TKTL1: variants seen among roughly 807,000 people sequenced by gnomAD.
TKTL1 encodes the protein transketolase like 1, also known as transketolase-like protein 1.
TKTL1 carries 1 observed loss-of-function variant against 39.3 expected under a neutral mutation model. That is an observed-to-expected ratio of 0.03 (90% CI 0.01 to 0.12). TKTL1 has a LOEUF of 0.12. Ranked by LOEUF, TKTL1 falls within the 10% of genes least tolerant of loss-of-function variation. The probability of loss-of-function intolerance (pLI) is 1.00; values close to 1 mark genes in which losing one functional copy is unlikely to be tolerated. For missense variants in TKTL1, 575 were observed against 509.6 expected (o/e 1.13, Z -1.24); for synonymous variants, 262 against 193.8 (o/e 1.35, Z -2.92).
At chrX:154,314,614 C>A (rs2067383146) in intron 6 of TKTL1, among the ~76,000 whole-genome samples, 1 of 110,835 alleles carries the variant, frequency 9.0e-6, no homozygotes, top group South Asian at 3.8e-4. Flanking sequence ...CAACCTCTGC[C>A]CCCGGATTCA....
chrX:154,328,116 A>G lies in TKTL1; in HGVS notation c.1618+158A>G, dbSNP rs145693222. Among the ~76,000 whole-genome samples the G allele has an allele frequency of 7.4e-3, 826 of 111,197 alleles. 7 individuals carry two copies. The highest frequency in any genetic ancestry group is 0.027 in the African/African-American group (800 of 29,944). On this transcript the variant is annotated intron_variant, in intron 12 of 12. Transcript: ENST00000369915. ...TAAGCGTGGGGCCATACTCATACAC[A>G]TCTGTGTGTCCCCAACAGAGTGCAC...
At chrX:154,303,702 A>G (rs2067293536) in intron 1 of TKTL1, among the ~76,000 whole-genome samples, 1 of 107,444 alleles carries the variant, frequency 9.3e-6, no homozygotes, top group Admixed American at 1.0e-4. Context: ...GTCCCCCATA[A>G]TGAAGCAGGA....
intron 12 of TKTL1, among the ~76,000 whole-genome samples, chrX:154,328,734 A>G (rs1266852899): frequency 9.0e-6 from 1 of 110,619 alleles, no homozygotes; most frequent in African/African-American, 3.3e-5. Flanking sequence ...TTGAGTGTTC[A>G]TGCGGCAGGG....
intron 12 of TKTL1, among the ~76,000 whole-genome samples, chrX:154,328,847 A>AG (rs199932572): frequency 1.8e-5 from 2 of 111,429 alleles, no homozygotes; most frequent in African/African-American, 3.3e-5. Flanking sequence ...GAAAGGGTGC[A>AG]GGGGGGGATC....
intron 8 of TKTL1, among the ~76,000 whole-genome samples, chrX:154,321,783 C>T (rs1363886286): frequency 9.3e-6 from 1 of 106,994 alleles, no homozygotes; most frequent in African/African-American, 3.4e-5. Context: ...CAGGGACTCC[C>T]TGGGAGAATG....
At chrX:154,307,178 G>A (rs1249679222) in intron 2 of TKTL1, among the ~76,000 whole-genome samples, 1 of 109,095 alleles carries the variant, frequency 9.2e-6, no homozygotes, top group Non-Finnish European at 1.9e-5. Flanking sequence ...AAGGTGGGAG[G>A]ATCACTTGAG....
At chrX:154,314,306 T>A (rs2067380503) in intron 6 of TKTL1, among the ~76,000 whole-genome samples, 2 of 111,830 alleles carry the variant, frequency 1.8e-5, no homozygotes, top group Admixed American at 1.9e-4. Context: ...AGAGCAACTT[T>A]CTTTATGAAT....
In TKTL1 at chrX:154,295,914, G is replaced by A. The variant is rs782146985; in HGVS notation, c.55G>A (p.Gly19Ser). The change falls in exon 1 of 13, where the codon GGC (glycine) becomes AGC (serine). Residue 19 changes from glycine (G) to serine (S), a missense_variant. Physicochemically the swap from Gly to Ser is moderately conservative, Grantham distance 56 (BLOSUM62 0). Transcript: ENST00000369915. ...EFPEEARPDR[G>S]TLQVLQDMAS... Reference sequence around the variant, plus strand: ...CCCGGAGGAGGCCAGACCTGACAGGGGCACCTTGCAGGTGTTGCAAGATAT... The same window carrying A: ...CCCGGAGGAGGCCAGACCTGACAGGAGCACCTTGCAGGTGTTGCAAGATAT... 2 of 1,211,668 alleles carry A rather than the reference G, an allele frequency of 1.7e-6. No individual in the cohort carries two copies. The highest frequency in any genetic ancestry group is 3.5e-5 in the South Asian group (2 of 57,013).
In TKTL1 at chrX:154,323,155, A is replaced by G. The variant is rs147640437; in HGVS notation, c.1187-52A>G. 9.2e-3 allele frequency: 10,963 copies of G among 1,187,111 alleles called. 713 individuals carry two copies. The African/African-American group carries it at 0.18, about 19-fold the overall frequency. ...TCAGAGCTAGAAGTGGGTGGAGGGC[A>G]GGTTCCTAATGGGGTTATGCTCCTG... On this transcript the variant is annotated intron_variant, in intron 8 of 12. Transcript: ENST00000369915.
rs782434344 is a variant in TKTL1 at position 154,318,851 on chromosome X, C to T, written c.1030-1906C>T. On this transcript the variant is annotated intron_variant, in intron 7 of 12. Coordinates refer to ENST00000369915, the MANE Select transcript of TKTL1 (RefSeq NM_012253.4). ...CTTTTTCTACTTGATTTCCAATTTCCATTCCATTCATTTCCCCAATATATC... is the reference window on the plus strand; with the variant it reads ...CTTTTTCTACTTGATTTCCAATTTCTATTCCATTCATTTCCCCAATATATC... Among the ~76,000 whole-genome samples the T allele has an allele frequency of 1.4e-4, 16 of 110,365 alleles. No individual in the cohort carries two copies. The East Asian group carries it at 3.1e-3, about 21-fold the overall frequency.
chrX:154,319,871 A>C (rs1312514586), intron 7 of TKTL1, among the ~76,000 whole-genome samples: 1 of 112,122 alleles, frequency 8.9e-6, no homozygotes, highest in African/African-American at 3.2e-5. Context: ...GCCTGTGTGT[A>C]TCCGCAGAGA....
At chrX:154,299,102 TTC>T (rs1478611544) in intron 1 of TKTL1, among the ~76,000 whole-genome samples, 1 of 110,379 alleles carries the variant, frequency 9.1e-6, no homozygotes, top group Non-Finnish European at 1.9e-5. Flanking sequence ...TATTTTGTAC[TTC>T]TGTTTTCATT....
At chrX:154,302,453 G>T (rs1442573499) in intron 1 of TKTL1, among the ~76,000 whole-genome samples, 1 of 110,844 alleles carries the variant, frequency 9.0e-6, no homozygotes, top group African/African-American at 3.3e-5. Flanking sequence ...TTCTGGCGAG[G>T]ACCTGCTACT....
At chrX:154,317,573 G>GAAGCCACTGGAGGGCTTTAAGCAGGA (rs2067411342) in intron 7 of TKTL1, among the ~76,000 whole-genome samples, 1 of 112,568 alleles carries the variant, frequency 8.9e-6, no homozygotes, top group Non-Finnish European at 1.9e-5. Context: ...AGTTTGCTGG[G>GAAGCCACTGGAGGGCTTTAAGCAGGA]AAGCCACTGG....
intron 1 of TKTL1, among the ~76,000 whole-genome samples, chrX:154,296,565 G>A (rs1316830567): frequency 2.7e-5 from 3 of 111,498 alleles, no homozygotes; most frequent in Non-Finnish European, 3.8e-5. Flanking sequence ...CAGCTATTCG[G>A]GAGGCTTGCT....
rs146819425 is a variant in TKTL1, at chrX:154,311,132, C to T, written c.564C>T (p.Asp188=). The T allele has an allele frequency of 4.3e-5, 52 of 1,210,456 alleles. No individual in the cohort carries two copies. The highest frequency in any genetic ancestry group is 4.2e-4 in the African/African-American group (24 of 57,387). ...EAFGWNTYVV[D]GRDVEALCQV... is the part of the protein sequence containing the mutation. ...GCAGGTGGAACACTTATGTGGTGGA[C>T]GGCCGGGACGTGGAGGCACTGTGCC... Residue 188 remains aspartate, a synonymous_variant, in exon 5 of 13, where the codon GAC becomes GAT. Transcript: ENST00000369915.
chrX:154,317,811 G>T (rs1341373837), intron 7 of TKTL1, among the ~76,000 whole-genome samples: 3 of 111,406 alleles, frequency 2.7e-5, no homozygotes, highest in Admixed American at 1.9e-4. Context: ...AGTGTGGGTG[G>T]CAGCACCTGG....
chrX:154,296,056 G>C lies in TKTL1; in HGVS notation c.134+63G>C, dbSNP rs1372801799. ...CACGGGCCCGGTGGCTTCAGGCCTG[G>C]TGGCCATGAGGCCGTGTGGTGAAGG... is the stretch of plus-strand genomic sequence containing the variant. On this transcript the variant is annotated intron_variant, in intron 1 of 12. Coordinates refer to ENST00000369915, the MANE Select transcript of TKTL1 (RefSeq NM_012253.4). 6.0e-6 allele frequency: 7 copies of C among 1,162,732 alleles called. No individual in the cohort carries two copies. In the African/African-American group the frequency reaches 1.2e-4, roughly 21 times the overall value.
At chrX:154,308,505 T>C (rs2067332148) in intron 2 of TKTL1, among the ~76,000 whole-genome samples, 1 of 111,877 alleles carries the variant, frequency 8.9e-6, no homozygotes, top group South Asian at 3.7e-4. Context: ...ACTTCAGTTT[T>C]AACAGGCTCC....
Sources: gnomAD v4.1 joint callset for allele counts (sites outside exome capture counted in the v4.1 genomes callset) on GRCh38, gnomAD v4.1.1 for gene constraint, MANE v1.5 for transcripts, NCBI Gene and HGNC (gene_info 2026-07-23, HGNC 2026-07-21) for gene names.